MANBAL: variants seen among roughly 807,000 people sequenced by gnomAD.
The protein encoded by MANBAL is mannosidase beta like.
MANBAL carries 1 observed loss-of-function variant against 6.4 expected under a neutral mutation model. The ratio of observed to expected loss-of-function variants is 0.16; its 90% CI spans 0.06 to 0.74. The LOEUF (loss-of-function observed/expected upper bound fraction) is 0.74, where lower values mean the gene tolerates loss of function less well. Among genes scored for constraint, MANBAL ranks in the 30% least tolerant of loss-of-function variants. The pLI, the probability that MANBAL is intolerant of heterozygous loss-of-function variation, is 0.78. For synonymous variants in MANBAL, 47 were observed against 45.8 expected, an observed-to-expected ratio of 1.03 and a Z score of -0.10; for missense variants, 100 against 107.8, an observed-to-expected ratio of 0.93 and a Z score of 0.32.
chr20:37,293,563 C>A (rs970712508), intron 1 of MANBAL, among the ~76,000 whole-genome samples: 8 of 152,148 alleles, frequency 5.3e-5, no homozygotes, highest in African/African-American at 1.9e-4. Flanking sequence ...TCCTAACAGG[C>A]CATGGACTGG....
chr20:37,294,341 T>C (rs1321202243), intron 1 of MANBAL, among the ~76,000 whole-genome samples: 3 of 152,244 alleles, frequency 2.0e-5, no homozygotes, highest in Non-Finnish European at 2.9e-5. Context: ...CAAATGTGTC[T>C]TTTGACTGTT....
At chr20:37,302,903 A>C (rs758974189) in intron 2 of MANBAL, among the ~76,000 whole-genome samples, 1 of 151,946 alleles carries the variant, frequency 6.6e-6, no homozygotes, top group African/African-American at 2.4e-5. Context: ...GTTCAATAAG[A>C]TGTCACAGGC....
At chr20:37,305,525 C>G (rs1211089015) in intron 2 of MANBAL, among the ~76,000 whole-genome samples, 1 of 152,186 alleles carries the variant, frequency 6.6e-6, no homozygotes, top group Non-Finnish European at 1.5e-5. Context: ...TACCCCCCTA[C>G]CCACTGCCAT....
intron 1 of MANBAL, among the ~76,000 whole-genome samples, chr20:37,295,895 T>C (rs139973930): frequency 9.1e-4 from 139 of 152,314 alleles, no homozygotes; most frequent in African/African-American, 2.7e-3. Context: ...TAGGACTTGT[T>C]TGACTTTGGT....
chr20:37,291,868 T>C (rs2068879210), intron 1 of MANBAL, among the ~76,000 whole-genome samples: 1 of 152,220 alleles, frequency 6.6e-6, no homozygotes, highest in Non-Finnish European at 1.5e-5. Flanking sequence ...TTGTGAGGCC[T>C]ACCCACCCAT....
At chr20:37,297,646 CTTTT>C in intron 1 of MANBAL, 4 of 145,508 alleles carry the variant, frequency 2.7e-5, no homozygotes, top group South Asian at 2.2e-4. Context: ...GGCGGCAGGC[CTTTT>C]TTTTTTTTTG....
At chr20:37,313,750 C>T (rs1174031753) in intron 2 of MANBAL, among the ~76,000 whole-genome samples, 3 of 152,020 alleles carry the variant, frequency 2.0e-5, no homozygotes, top group East Asian at 1.9e-4. Flanking sequence ...CCTAGGGGCC[C>T]GAGGAGGGAG....
At chr20:37,296,488 GACTTTCC>G (rs2068999864) in intron 1 of MANBAL, among the ~76,000 whole-genome samples, 1 of 152,118 alleles carries the variant, frequency 6.6e-6, no homozygotes, top group African/African-American at 2.4e-5. Flanking sequence ...ACTTTGCAAA[GACTTTCC>G]ACTGACCTGA....
At position 37,316,359 on chromosome 20, in the gene MANBAL, G is replaced by A; in HGVS notation, c.202G>A (p.Ala68Thr). 1.9e-6 allele frequency: 3 copies of A among 1,613,948 alleles called. No individual in the cohort carries two copies. The highest frequency in any genetic ancestry group is 2.5e-6 in the Non-Finnish European group (3 of 1,179,912). The change falls in exon 3 of 3, where the codon GCT becomes ACT. Residue 68 changes from alanine (A) to threonine (T), a missense_variant. By Grantham distance (58) the Ala-to-Thr change is moderately conservative (BLOSUM62 0). Transcript: ENST00000373606. The stretch of plus-strand genomic sequence containing the variant: ...TGCTGAGGTGACGAGGAAGCCCAAG[G>A]CTGCTGTTCCTTCTGTGAACAAGAG... ...RSAEVTRKPKAAVPSVNKRPK... is the reference protein window; with the variant it reads ...RSAEVTRKPKTAVPSVNKRPK...
chr20:37,300,402 A>G (rs1440289153), intron 1 of MANBAL, among the ~76,000 whole-genome samples: 1 of 152,176 alleles, frequency 6.6e-6, no homozygotes, highest in Non-Finnish European at 1.5e-5. Flanking sequence ...GAGCCTTCTC[A>G]TCACAAAATA....
Position 37,316,475 on chromosome 20 carries a change from G to A in MANBAL, c.*60G>A. The A allele has an allele frequency of 2.1e-6, 3 of 1,456,166 alleles. No homozygotes were observed. The highest frequency in any genetic ancestry group is 1.2e-5 in the South Asian group (1 of 84,650). The allele number at this position is 1,456,166 out of a possible 1,614,324, so 90.2% of individuals were successfully genotyped here. ...AGGGTCTTGGGGACAGCCCTCCTGGGAATCTACATTGTGTTCCCCCGCATT... is the reference window on the plus strand; with the variant it reads ...AGGGTCTTGGGGACAGCCCTCCTGGAAATCTACATTGTGTTCCCCCGCATT... On this transcript the variant is annotated 3_prime_UTR_variant, in exon 3 of 3. Coordinates refer to ENST00000373606, the MANE Select transcript of MANBAL (RefSeq NM_001003897.2).
chr20:37,291,449 T>C (rs2068868032), intron 1 of MANBAL, among the ~76,000 whole-genome samples: 2 of 152,268 alleles, frequency 1.3e-5, no homozygotes, highest in African/African-American at 4.8e-5. Context: ...ATCATCTCTG[T>C]GATCGTTTCT....
chr20:37,316,357 A>C lies in MANBAL; in HGVS notation c.200A>C (p.Lys67Thr). Residue 67 changes from lysine to threonine, a missense_variant, in exon 3 of 3, where the codon AAG becomes ACG. Physicochemically the swap from Lys to Thr is moderately conservative, Grantham distance 78. Coordinates refer to ENST00000373606, the MANE Select transcript of MANBAL (RefSeq NM_001003897.2). The part of the protein sequence containing the change: ...PRSAEVTRKP[K>T]AAVPSVNKRP... ...AGTGCTGAGGTGACGAGGAAGCCCAAGGCTGCTGTTCCTTCTGTGAACAAG... is the reference window on the plus strand; with the variant it reads ...AGTGCTGAGGTGACGAGGAAGCCCACGGCTGCTGTTCCTTCTGTGAACAAG... The C allele has an allele frequency of 6.2e-7, 1 of 1,613,940 alleles. No homozygotes were observed. Among genetic ancestry groups the C allele is most frequent in the Non-Finnish European group, 8.5e-7 (1 of 1,179,874 alleles).
intron 1 of MANBAL, among the ~76,000 whole-genome samples, chr20:37,293,047 A>T (rs112475861): frequency 6.6e-6 from 1 of 152,156 alleles, no homozygotes; most frequent in African/African-American, 2.4e-5. Flanking sequence ...CTGATGTCCA[A>T]CTCTTATCCA....
At chr20:37,316,130 CTGAGAGCCACGA>C (rs1291654965) in intron 2 of MANBAL, among the ~76,000 whole-genome samples, 166 bp from the exon 3 acceptor site, 1 of 152,242 alleles carries the variant, frequency 6.6e-6, no homozygotes, top group Non-Finnish European at 1.5e-5. Context: ...TTATTCTTCA[CTGAGAGCCACGA>C]TGCTCCGGGG....
intron 1 of MANBAL, among the ~76,000 whole-genome samples, chr20:37,291,134 T>C (rs1207460635): frequency 6.6e-6 from 1 of 152,180 alleles, no homozygotes; most frequent in East Asian, 1.9e-4. Context: ...GTCTCAGTGG[T>C]TTTTTATTTA....
At chr20:37,291,808 C>T (rs6104442) in intron 1 of MANBAL, among the ~76,000 whole-genome samples, 21 of 152,204 alleles carry the variant, frequency 1.4e-4, no homozygotes, top group African/African-American at 4.8e-4. Flanking sequence ...ACTCTCTTGC[C>T]TGCTGTCACA....
intron 2 of MANBAL, among the ~76,000 whole-genome samples, chr20:37,306,077 C>T (rs1320563370): frequency 6.6e-6 from 1 of 151,744 alleles, no homozygotes; most frequent in African/African-American, 2.4e-5. Context: ...AGCCAGAGGG[C>T]AGTTGGGAGA....
chr20:37,291,989 A>T (rs927630400), intron 1 of MANBAL, among the ~76,000 whole-genome samples: 1 of 152,232 alleles, frequency 6.6e-6, no homozygotes. Context: ...GTAAAGTGCT[A>T]TTCTCATCAC....
Sources: gnomAD v4.1 joint callset for allele counts (sites outside exome capture counted in the v4.1 genomes callset) on GRCh38, gnomAD v4.1.1 for gene constraint, MANE v1.5 for transcripts, NCBI Gene and HGNC (gene_info 2026-07-23, HGNC 2026-07-21) for gene names.